The following HTR2C variants were observed in gnomAD, a reference collection of about 807,000 sequenced individuals.
HTR2C encodes 5-hydroxytryptamine (serotonin) receptor 2C, G protein-coupled.
HTR2C carries 5 observed loss-of-function variants against 21.0 expected under a neutral mutation model. That is an observed-to-expected ratio of 0.24 (90% CI 0.12 to 0.50). The LOEUF (loss-of-function observed/expected upper bound fraction) is 0.50, where lower values mean the gene tolerates loss of function less well. Among genes scored for constraint, HTR2C ranks in the 20% least tolerant of loss-of-function variants. The probability of loss-of-function intolerance (pLI) is 0.98; values close to 1 mark genes in which losing one functional copy is unlikely to be tolerated. For missense variants in HTR2C, 271 were observed against 371.2 expected, an observed-to-expected ratio of 0.73 and a Z score of 2.22; for synonymous variants, 150 against 145.3, an observed-to-expected ratio of 1.03 and a Z score of -0.23.
At chrX:114,672,663 C>T (rs1220124176) in intron 2 of HTR2C, among the ~76,000 whole-genome samples, 23 of 111,544 alleles carry the variant, frequency 2.1e-4, no homozygotes, top group Non-Finnish European at 7.5e-5. Context: ...AGCTAATTCT[C>T]CATTAAAAAT....
At chrX:114,624,928 A>C (rs1391066514) in intron 2 of HTR2C, among the ~76,000 whole-genome samples, 4 of 111,986 alleles carry the variant, frequency 3.6e-5, no homozygotes, top group African/African-American at 1.3e-4. Flanking sequence ...GGAGGGTGCT[A>C]AATAAGGCTC....
chrX:114,688,743 C>T (rs1320256708), intron 2 of HTR2C, among the ~76,000 whole-genome samples: 1 of 111,664 alleles, frequency 9.0e-6, no homozygotes, highest in Non-Finnish European at 1.9e-5. Flanking sequence ...TCAGACTGAA[C>T]AGAGTTAGTA....
At chrX:114,771,453 C>T (rs1012198642) in intron 4 of HTR2C, among the ~76,000 whole-genome samples, 10 of 111,309 alleles carry the variant, frequency 9.0e-5, no homozygotes, top group Non-Finnish European at 1.3e-4. Flanking sequence ...TTTCTTTTAC[C>T]CTGTTCCAAG....
At chrX:114,839,888 G>A (rs1245482852) in intron 4 of HTR2C, among the ~76,000 whole-genome samples, 2 of 110,229 alleles carry the variant, frequency 1.8e-5, no homozygotes, top group African/African-American at 6.6e-5. Context: ...GCTTGCCTGG[G>A]ATATCCTACA....
intron 5 of HTR2C, among the ~76,000 whole-genome samples, chrX:114,855,976 T>G (rs1486754131): frequency 9.2e-6 from 1 of 108,460 alleles, no homozygotes; most frequent in Admixed American, 1.0e-4. Context: ...GTTCTATACA[T>G]ATTATTGAAC....
chrX:114,805,403 C>G (rs2070391886), intron 4 of HTR2C, among the ~76,000 whole-genome samples: 2 of 37,217 alleles, frequency 5.4e-5, no homozygotes, highest in South Asian at 5.0e-3. Flanking sequence ...CCTGTCTCCA[C>G]CCCTTTTTTT....
intron 4 of HTR2C, among the ~76,000 whole-genome samples, chrX:114,746,097 C>A (rs2069700858): frequency 9.0e-6 from 1 of 110,882 alleles, no homozygotes; most frequent in African/African-American, 3.3e-5. Context: ...CACTATGTAC[C>A]TACAGCAATT....
At chrX:114,644,362 AATATATAT>A (rs782451317) in intron 2 of HTR2C, among the ~76,000 whole-genome samples, 92 of 38,219 alleles carry the variant, frequency 2.4e-3, no homozygotes, top group African/African-American at 9.0e-3. Context: ...TAAATAAATA[AATATATAT>A]ATATATATAT....
intron 4 of HTR2C, among the ~76,000 whole-genome samples, chrX:114,761,900 C>CGTGT (rs2069874346): frequency 2.9e-5 from 3 of 104,522 alleles, no homozygotes; most frequent in African/African-American, 3.7e-5. Flanking sequence ...TGTATATATA[C>CGTGT]ATATATGTGT....
chrX:114,689,207 C>CATATATAT (rs1556414745), intron 2 of HTR2C, among the ~76,000 whole-genome samples: 1 of 10,154 alleles, frequency 9.8e-5, no homozygotes, highest in African/African-American at 4.6e-4. Flanking sequence ...GGTATGTATG[C>CATATATAT]GTATATATAT....
intron 4 of HTR2C, among the ~76,000 whole-genome samples, chrX:114,746,008 T>G (rs1396197046): frequency 8.9e-6 from 1 of 112,224 alleles, no homozygotes; most frequent in African/African-American, 3.2e-5. Context: ...AGGGGACAGA[T>G]ATCCCATTCT....
intron 2 of HTR2C, among the ~76,000 whole-genome samples, chrX:114,631,568 CAGAG>C (rs782303544): frequency 9.0e-6 from 1 of 111,424 alleles, no homozygotes; most frequent in Admixed American, 9.6e-5. Flanking sequence ...GTTAGTAAGA[CAGAG>C]AGATAAGTGG....
At chrX:114,683,710 G>A (rs782505691) in intron 2 of HTR2C, among the ~76,000 whole-genome samples, 78 of 111,321 alleles carry the variant, frequency 7.0e-4, no homozygotes, top group African/African-American at 2.5e-3. Context: ...CACAAGAATC[G>A]CTTGAACCCT....
chrX:114,799,436 A>C (rs2070325123), intron 4 of HTR2C, among the ~76,000 whole-genome samples: 1 of 109,984 alleles, frequency 9.1e-6, no homozygotes, highest in African/African-American at 3.3e-5. Context: ...AGCATGAACC[A>C]TAAGTCCAAA....
chrX:114,830,609 T>C (rs1556460346), intron 4 of HTR2C, among the ~76,000 whole-genome samples: 1 of 108,283 alleles, frequency 9.2e-6, no homozygotes, highest in Non-Finnish European at 1.9e-5. Flanking sequence ...TATTTATTTT[T>C]TTTAGTTTCT....
rs782219904 is a variant in HTR2C, at chrX:114,907,384, G to T, written c.1346G>T (p.Ser449Ile). 1 of 1,206,956 alleles carries T rather than the reference G, an allele frequency of 8.3e-7. No individual in the cohort carries two copies. Among genetic ancestry groups the T allele is most frequent in the East Asian group, 3.0e-5 (1 of 33,714 alleles). Reference protein sequence around the residue: ...ENLELPVNPSSVVSERISSV With the variant: ...ENLELPVNPSIVVSERISSV ...TTAGAGTTACCAGTAAATCCCTCCA[G>T]TGTGGTTAGCGAAAGGATTAGCAGT... is the stretch of plus-strand genomic sequence containing the variant. The change falls in exon 6 of 6, where the codon AGT becomes ATT. Residue 449 changes from serine to isoleucine, a missense_variant. Coordinates refer to ENST00000276198, the MANE Select transcript of HTR2C (RefSeq NM_000868.4).
At chrX:114,899,310 G>A (rs1200116778) in intron 5 of HTR2C, among the ~76,000 whole-genome samples, 1 of 111,405 alleles carries the variant, frequency 9.0e-6, no homozygotes, top group African/African-American at 3.3e-5. Context: ...AGTGGGGCCC[G>A]CAGGACAATG....
chrX:114,727,614 A>G (rs1382616573), intron 3 of HTR2C, among the ~76,000 whole-genome samples: 1 of 112,254 alleles, frequency 8.9e-6, no homozygotes, highest in South Asian at 3.7e-4. Flanking sequence ...GGAACGAAGC[A>G]TAGAAAAAAA....
intron 5 of HTR2C, among the ~76,000 whole-genome samples, chrX:114,890,999 G>T (rs1193261476): frequency 9.0e-6 from 1 of 111,086 alleles, no homozygotes; most frequent in Non-Finnish European, 1.9e-5. Context: ...ATAAGTCTCA[G>T]GCTTAATTCA....
Sources: gnomAD v4.1 joint callset for allele counts (sites outside exome capture counted in the v4.1 genomes callset) on GRCh38, gnomAD v4.1.1 for gene constraint, MANE v1.5 for transcripts, NCBI Gene and HGNC (gene_info 2026-07-23, HGNC 2026-07-21) for gene names.